Variants in TMEM232 observed in about 807,000 individuals in gnomAD.
TMEM232 encodes the protein transmembrane protein 232.
A neutral mutation model predicts 78.8 loss-of-function variants in TMEM232; 80 were observed. The ratio of observed to expected loss-of-function variants is 1.01; its 90% CI spans 0.85 to 1.22. TMEM232 has a LOEUF of 1.22. TMEM232 is among the 50% of genes most tolerant of loss of function. The pLI, the probability that TMEM232 is intolerant of heterozygous loss-of-function variation, is 0.00. For synonymous variants in TMEM232, 297 were observed against 254.3 expected (o/e 1.17, Z -1.60); for missense variants, 881 against 742.2 (o/e 1.19, Z -2.17).
chr5:110,574,872 C>T (rs1242959180), intron 10 of TMEM232, among the ~76,000 whole-genome samples: 1 of 151,980 alleles, frequency 6.6e-6, no homozygotes, highest in Non-Finnish European at 1.5e-5. Flanking sequence ...AGTAAAATGA[C>T]CTTGCTGAAT....
chr5:110,410,820 T>C (rs948387861), intron 2 of TMEM232, among the ~76,000 whole-genome samples: 2 of 152,110 alleles, frequency 1.3e-5, no homozygotes, highest in African/African-American at 2.4e-5. Flanking sequence ...TGAGTTTGCA[T>C]TGCTTGAATG....
intron 2 of TMEM232, among the ~76,000 whole-genome samples, chr5:110,400,676 G>C (rs1755559091): frequency 6.6e-6 from 1 of 152,044 alleles, no homozygotes. Flanking sequence ...TGGGGTACAA[G>C]AAAGTGATCA....
intron 12 of TMEM232, among the ~76,000 whole-genome samples, chr5:110,515,623 T>G (rs1415574118): frequency 1.3e-5 from 2 of 152,194 alleles, no homozygotes; most frequent in African/African-American, 2.4e-5. Flanking sequence ...ATGTAAACCA[T>G]GTACTTCTTT....
intron 7 of TMEM232, among the ~76,000 whole-genome samples, chr5:110,621,010 C>T (rs894413686): frequency 2.0e-5 from 3 of 151,116 alleles, no homozygotes; most frequent in Non-Finnish European, 4.4e-5. Context: ...TTACAGGTGC[C>T]TGCCACCACA....
chr5:110,590,785 G>A (rs1484559266), intron 10 of TMEM232, among the ~76,000 whole-genome samples: 1 of 152,180 alleles, frequency 6.6e-6, no homozygotes. Context: ...CATGGCTAGG[G>A]AAGCCTCAGG....
rs1770950208 is a variant in TMEM232 at position 110,528,583 on chromosome 5, T to G, written c.1703+5A>C. 6 of 1,526,870 alleles carry G rather than the reference T, an allele frequency of 3.9e-6. No individual in the cohort carries two copies. In the Admixed American group the frequency reaches 8.1e-5, roughly 21 times the overall value. The allele number at this position is 1,526,870 out of a possible 1,614,324, so 94.6% of individuals were successfully genotyped here. ...AACAATAAAACCGATAGTACTTCTCTTTACCTTACAGTGAAATGTAGAACT... is the reference window on the plus strand; with the variant it reads ...AACAATAAAACCGATAGTACTTCTCGTTACCTTACAGTGAAATGTAGAACT... On this transcript the variant is annotated splice_donor_5th_base_variant and intron_variant, in intron 12 of 13. Transcript: ENST00000455884.
intron 9 of TMEM232, among the ~76,000 whole-genome samples, chr5:110,605,688 T>A (rs1037086996): frequency 2.2e-4 from 34 of 152,254 alleles, no homozygotes; most frequent in African/African-American, 7.7e-4. Flanking sequence ...GACACTTTCA[T>A]TTATTGTTCA....
chr5:110,469,658 G>A (rs998051456), intron 12 of TMEM232, among the ~76,000 whole-genome samples: 1 of 152,170 alleles, frequency 6.6e-6, no homozygotes, highest in Admixed American at 6.5e-5. Context: ...CAGCACTGAG[G>A]TGATGCTCTG....
intron 1 of TMEM232, among the ~76,000 whole-genome samples, chr5:110,668,538 A>G (rs570034564): frequency 4.5e-4 from 68 of 152,282 alleles, no homozygotes; most frequent in Admixed American, 3.9e-4. Context: ...CCAGCAAAAT[A>G]TGGATCACAG....
chr5:110,683,939 G>A (rs1313953004), intron 1 of TMEM232, among the ~76,000 whole-genome samples: 1 of 151,904 alleles, frequency 6.6e-6, no homozygotes, highest in African/African-American at 2.4e-5. Flanking sequence ...GTGTATTGAT[G>A]TACTTAAAGC....
chr5:110,409,832 C>A (rs560145710), intron 2 of TMEM232, among the ~76,000 whole-genome samples: 5 of 152,058 alleles, frequency 3.3e-5, no homozygotes, highest in African/African-American at 1.2e-4. Flanking sequence ...TCTTTCTCTG[C>A]GCCCCAAACG....
intron 12 of TMEM232, among the ~76,000 whole-genome samples, chr5:110,510,811 G>A (rs1044946458): frequency 1.3e-5 from 2 of 152,040 alleles, no homozygotes; most frequent in Admixed American, 1.3e-4. Context: ...CTGGAGAGGA[G>A]GTGGAAAAAT....
intron 7 of TMEM232, among the ~76,000 whole-genome samples, chr5:110,618,968 T>C (rs568656802): frequency 2.6e-5 from 4 of 152,222 alleles, no homozygotes; most frequent in South Asian, 2.1e-4. Context: ...TGTGGATTTC[T>C]ACTTTAAGGA....
chr5:110,684,888 T>G (rs923718283), intron 1 of TMEM232: 2 of 152,006 alleles, frequency 1.3e-5, no homozygotes, highest in Non-Finnish European at 2.9e-5. Flanking sequence ...TTCTGTACAG[T>G]CAATGCAAGC....
At chr5:110,645,116 C>T (rs1346890642) in intron 2 of TMEM232, among the ~76,000 whole-genome samples, 1 of 151,440 alleles carries the variant, frequency 6.6e-6, no homozygotes, top group Non-Finnish European at 1.5e-5. Context: ...AAGCCCAGGA[C>T]CAGGTGGTTT....
chr5:110,621,188 A>AT (rs1046949322), intron 7 of TMEM232, among the ~76,000 whole-genome samples: 46 of 150,760 alleles, frequency 3.1e-4, no homozygotes, highest in African/African-American at 1.1e-3. Context: ...AGCAAGAAAC[A>AT]TTTTTTCAAA....
At chr5:110,654,173 T>C (rs768889659) in intron 2 of TMEM232, among the ~76,000 whole-genome samples, 2 of 152,194 alleles carry the variant, frequency 1.3e-5, no homozygotes, top group Non-Finnish European at 2.9e-5. Flanking sequence ...TATTAGTCCA[T>C]ATGACTTCAT....
At chr5:110,500,768 G>T (rs1766179662) in intron 12 of TMEM232, among the ~76,000 whole-genome samples, 1 of 152,158 alleles carries the variant, frequency 6.6e-6, no homozygotes, top group South Asian at 2.1e-4. Flanking sequence ...GTTAGGCTAG[G>T]TTAAAATCTA....
chr5:110,653,949 A>G (rs141952135), intron 2 of TMEM232, among the ~76,000 whole-genome samples: 1 of 152,346 alleles, frequency 6.6e-6, no homozygotes, highest in African/African-American at 2.4e-5. Context: ...AAGAGGAAGA[A>G]TACTAAGAAA....
Sources: allele counts gnomAD v4.1 joint callset (sites outside exome capture counted in the v4.1 genomes callset), GRCh38; gene constraint gnomAD v4.1.1; transcripts MANE v1.5; gene names NCBI Gene and HGNC (gene_info 2026-07-23, HGNC 2026-07-21).